EYS: variants seen among roughly 807,000 people sequenced by gnomAD.
EYS encodes EGF-like photoreceptor maintenance factor, also known as protein eyes shut homolog.
A neutral mutation model predicts 282.1 loss-of-function variants in EYS; 250 were observed. The observed-to-expected ratio is 0.89, with a 90% confidence interval of 0.80 to 0.98. EYS has a LOEUF of 0.98. Ranked by LOEUF, EYS falls within the 50% of genes least tolerant of loss-of-function variation. The pLI is 0.00. For missense variants in EYS, 4,016 were observed against 3,709.0 expected, an observed-to-expected ratio of 1.08 and a Z score of -2.15; for synonymous variants, 1,355 against 1,282.9, an observed-to-expected ratio of 1.06 and a Z score of -1.20.
In EYS at chr6:64,591,603, T is replaced by C. The variant is rs200318120; in HGVS notation, c.4264A>G (p.Thr1422Ala). Reference sequence around the variant, plus strand: ...CTTCTAATTACTGAAGTCGTTGGGGTAGCAGATAAAGCAACAGTCTGACAG... The same window carrying C: ...CTTCTAATTACTGAAGTCGTTGGGGCAGCAGATAAAGCAACAGTCTGACAG... ...ENCQTVALSA[T>A]PTTSVIRSIP... is the part of the protein sequence containing the mutation. Residue 1422 changes from threonine to alanine, a missense_variant, in exon 26 of 43, where the codon ACC (threonine) becomes GCC (alanine). Transcript: ENST00000503581. 6.4e-7 allele frequency: 1 copy of C among 1,551,118 alleles called. No homozygotes were observed. The highest frequency in any genetic ancestry group is 2.4e-5 in the East Asian group (1 of 40,894).
chr6:64,902,335 T>A, intron 17 of EYS, 69 bp downstream of exon 17: 1 of 1,321,992 alleles, frequency 7.6e-7, no homozygotes, highest in Non-Finnish European at 1.0e-6. Flanking sequence ...ATTCACCAAT[T>A]AAAATTCTAT....
chr6:64,063,670 C>A (rs1771260271), intron 33 of EYS, among the ~76,000 whole-genome samples: 1 of 152,122 alleles, frequency 6.6e-6, no homozygotes. Context: ...TCAAAACACG[C>A]TGTTCTTTGC....
chr6:65,344,865 C>T (rs1770335927), intron 9 of EYS, among the ~76,000 whole-genome samples: 1 of 151,548 alleles, frequency 6.6e-6, no homozygotes, highest in African/African-American at 2.4e-5. Context: ...AGACCTGATC[C>T]AATCTTTTTG....
intron 2 of EYS, among the ~76,000 whole-genome samples, chr6:65,587,634 G>T (rs563819856): frequency 5.9e-5 from 9 of 152,104 alleles, no homozygotes; most frequent in South Asian, 4.1e-4. Flanking sequence ...TGTCTTCATT[G>T]GCAGTGTGAG....
intron 19 of EYS, among the ~76,000 whole-genome samples, chr6:64,851,484 G>A (rs529508265): frequency 7.2e-5 from 11 of 152,114 alleles, no homozygotes; most frequent in African/African-American, 2.7e-4. Flanking sequence ...GGTAATACTT[G>A]GGACTTATTG....
At chr6:64,775,974 C>A (rs540366271) in intron 22 of EYS, among the ~76,000 whole-genome samples, 1 of 151,970 alleles carries the variant, frequency 6.6e-6, no homozygotes, top group African/African-American at 2.4e-5. Context: ...CTCTACACAC[C>A]CTTTACTATT....
At chr6:63,997,579 C>T (rs949052141) in intron 34 of EYS, among the ~76,000 whole-genome samples, 2 of 152,150 alleles carry the variant, frequency 1.3e-5, no homozygotes, top group African/African-American at 4.8e-5. Flanking sequence ...TCTTTACCAC[C>T]CTAAAATTAT....
chr6:65,411,530 T>A (rs1329305805), intron 5 of EYS, among the ~76,000 whole-genome samples: 1 of 152,038 alleles, frequency 6.6e-6, no homozygotes, highest in Non-Finnish European at 1.5e-5. Context: ...TGTCATTTCA[T>A]CACATGTGTA....
In EYS at chr6:65,494,898, C is replaced by T; in HGVS notation, c.513G>A (p.Gln171=). 3.7e-6 allele frequency: 6 copies of T among 1,614,036 alleles called. No homozygotes were observed. The highest frequency in any genetic ancestry group is 5.1e-6 in the Non-Finnish European group (6 of 1,179,944). ...LGLRLNVTVK[Q]QFCQESLSSE... ...AACTCAGAGATTCCTGGCAGAACTG[C>T]TGTTTCACTGTCACATTTAGTCGAA... Residue 171 remains glutamine, a synonymous_variant, in exon 4 of 43, where the codon CAG becomes CAA. Transcript: ENST00000503581.
At chr6:65,296,919 T>G (rs775229273) in intron 11 of EYS, among the ~76,000 whole-genome samples, 191 of 149,962 alleles carry the variant, frequency 1.3e-3, no homozygotes, top group African/African-American at 4.5e-3. Context: ...TCAACAAAAG[T>G]GGGGATATTT....
intron 12 of EYS, among the ~76,000 whole-genome samples, chr6:65,195,557 T>C (rs568283184): frequency 2.0e-4 from 30 of 152,150 alleles, no homozygotes; most frequent in Non-Finnish European, 7.4e-5. Context: ...ATGTGTTAAA[T>C]GGAAAGTAGA....
intron 5 of EYS, among the ~76,000 whole-genome samples, chr6:65,466,194 C>T (rs975470149): frequency 6.6e-6 from 1 of 151,672 alleles, no homozygotes; most frequent in Non-Finnish European, 1.5e-5. Flanking sequence ...ACCACTAAAA[C>T]CAAGAATTGG....
chr6:65,558,855 G>A (rs191035778), intron 2 of EYS, among the ~76,000 whole-genome samples: 58 of 152,196 alleles, frequency 3.8e-4, no homozygotes, highest in Non-Finnish European at 3.7e-4. Context: ...GTTTTGCTCC[G>A]TAACTCCAGA....
At position 65,535,467 on chromosome 6, in the gene EYS, T is replaced by G. The variant is rs191016153; in HGVS notation, c.-332-39474A>C. On this transcript the variant is annotated intron_variant, in intron 2 of 42. Transcript: ENST00000503581. Reference sequence around the variant, plus strand: ...CCCTCTTGCCTGCTGCCATGTAAGATGTGATTTTGCTTCTCCTTTGCCTTC... The same window carrying G: ...CCCTCTTGCCTGCTGCCATGTAAGAGGTGATTTTGCTTCTCCTTTGCCTTC... Among the ~76,000 whole-genome samples, 3 of 152,236 alleles carry G rather than the reference T, an allele frequency of 2.0e-5. No homozygotes were observed. In the East Asian group the frequency reaches 5.8e-4, roughly 29 times the overall value.
At chr6:65,060,514 T>C (rs1773538797) in intron 12 of EYS, among the ~76,000 whole-genome samples, 1 of 151,840 alleles carries the variant, frequency 6.6e-6, no homozygotes, top group African/African-American at 2.4e-5. Context: ...GTACCTAGCC[T>C]TCCTTCTTGG....
chr6:64,282,702 A>G (rs1768351842), intron 30 of EYS, among the ~76,000 whole-genome samples: 1 of 152,150 alleles, frequency 6.6e-6, no homozygotes, highest in African/African-American at 2.4e-5. Context: ...GTAAACCATA[A>G]TAACTGGAAT....
intron 26 of EYS, among the ~76,000 whole-genome samples, chr6:64,553,913 A>C (rs932673300): frequency 4.6e-5 from 7 of 152,092 alleles, no homozygotes; most frequent in African/African-American, 1.7e-4. Context: ...CTTATTTCTT[A>C]CTATAAGACT....
At chr6:65,492,411 G>T (rs1766083419) in intron 4 of EYS, among the ~76,000 whole-genome samples, 1 of 151,650 alleles carries the variant, frequency 6.6e-6, no homozygotes, top group African/African-American at 2.4e-5. Flanking sequence ...AGGAAGGAAG[G>T]AAGGAAATTG....
chr6:64,772,325 T>C (rs1046569003), intron 22 of EYS, among the ~76,000 whole-genome samples: 4 of 151,848 alleles, frequency 2.6e-5, no homozygotes, highest in African/African-American at 7.2e-5. Context: ...AATATGAGTA[T>C]CTGTTGATTT....
Sources: gnomAD v4.1 joint callset for allele counts (sites outside exome capture counted in the v4.1 genomes callset) on GRCh38, gnomAD v4.1.1 for gene constraint, MANE v1.5 for transcripts, NCBI Gene and HGNC (gene_info 2026-07-23, HGNC 2026-07-21) for gene names.